GRIP1: variants seen among roughly 807,000 people sequenced by gnomAD.
GRIP1 encodes the protein glutamate receptor interacting protein 1.
A neutral mutation model predicts 129.9 loss-of-function variants in GRIP1; 45 were observed. The observed-to-expected ratio is 0.35, with a 90% CI of 0.27 to 0.44. GRIP1 has a LOEUF of 0.44. GRIP1 is among the 20% of genes least tolerant of loss of function. The pLI, the probability that GRIP1 is intolerant of heterozygous loss-of-function variation, is 1.00. For missense variants in GRIP1, 1,196 were observed against 1,396.8 expected, an observed-to-expected ratio of 0.86 and a Z score of 2.29; for synonymous variants, 530 against 520.8, an observed-to-expected ratio of 1.02 and a Z score of -0.24.
At chr12:66,728,302 T>C (rs1171733202) in intron 1 of GRIP1, among the ~76,000 whole-genome samples, 1 of 152,104 alleles carries the variant, frequency 6.6e-6, no homozygotes, top group Non-Finnish European at 1.5e-5. Flanking sequence ...AAAATATGAG[T>C]CCAGATCTCA....
At chr12:66,721,465 G>A (rs991301932) in intron 1 of GRIP1, among the ~76,000 whole-genome samples, 2 of 151,962 alleles carry the variant, frequency 1.3e-5, no homozygotes, top group African/African-American at 2.4e-5. Context: ...AGTAGAGAAA[G>A]CGTTTTATCA....
chr12:66,404,252 G>C (rs1167567757), intron 16 of GRIP1, among the ~76,000 whole-genome samples: 1 of 152,136 alleles, frequency 6.6e-6, no homozygotes, highest in African/African-American at 2.4e-5. Flanking sequence ...ACTGATGGAT[G>C]CAACTATAGA....
At chr12:66,859,502 G>GA (rs1168999405) in intron 1 of GRIP1, among the ~76,000 whole-genome samples, 2 of 151,482 alleles carry the variant, frequency 1.3e-5, no homozygotes, top group South Asian at 2.1e-4. Context: ...AATACAAGTA[G>GA]AAAAAAAAGT....
At chr12:66,866,501 C>A (rs1354790108) in intron 1 of GRIP1, among the ~76,000 whole-genome samples, 1 of 152,016 alleles carries the variant, frequency 6.6e-6, no homozygotes, top group East Asian at 1.9e-4. Flanking sequence ...CTATAGTTAA[C>A]AATATATTCT....
At chr12:67,039,018 AACACACACACAC>A (rs10562551) in intron 1 of GRIP1, among the ~76,000 whole-genome samples, 54 of 149,044 alleles carry the variant, frequency 3.6e-4, no homozygotes, top group African/African-American at 8.4e-4. Flanking sequence ...ACAAATAATA[AACACACACACAC>A]ACACACACAC....
intron 1 of GRIP1, among the ~76,000 whole-genome samples, chr12:67,020,402 C>T (rs559431947): frequency 6.6e-6 from 1 of 152,290 alleles, no homozygotes; most frequent in South Asian, 2.1e-4. Flanking sequence ...AAAACAGACA[C>T]TTAAGCACTC....
chr12:66,467,913 G>A (rs770653221), intron 7 of GRIP1, among the ~76,000 whole-genome samples: 10 of 152,050 alleles, frequency 6.6e-5, no homozygotes, highest in Non-Finnish European at 1.2e-4. Context: ...TTTTCCTCAT[G>A]GTTTTGTCAT....
chr12:66,729,080 T>A (rs188308295), intron 1 of GRIP1, among the ~76,000 whole-genome samples: 2 of 151,844 alleles, frequency 1.3e-5, no homozygotes, highest in African/African-American at 4.8e-5. Context: ...AAGAGATGGG[T>A]TCTCACTATG....
rs57728495 is a variant in GRIP1, at chr12:66,700,431, C to CT, written c.-419-70096dup. ...TGATGGGAACCAGTGCCAGTGGCAG[C>CT]TTTTTTTTTTTTTTTTAAATTAAGA... On this transcript the variant is annotated intron_variant, in intron 1 of 4. Transcript: ENST00000538373. Among the ~76,000 whole-genome samples the CT allele has an allele frequency of 8.6e-3, 1,187 of 138,076 alleles. 17 individuals are homozygous for CT. The highest frequency in any genetic ancestry group is 0.031 in the East Asian group (144 of 4,714). 90.6% of individuals were successfully genotyped at this position (138,076 alleles called of 152,430 possible). A position where few individuals can be genotyped will look rare whatever the true frequency, so the allele number is the denominator to read the frequency against.
chr12:66,445,394 C>T lies in GRIP1; in HGVS notation c.1469G>A (p.Ser490Asn). 2.5e-6 allele frequency: 4 copies of T among 1,614,188 alleles called. No individual in the cohort carries two copies. The South Asian group carries it at 3.3e-5, about 13-fold the overall frequency. The part of the protein sequence containing the change: ...VTGFGIQLQG[S>N]VFATETLSSP... ...AGAGAGAGTTTCTGTGGCAAACACA[C>T]TGCCCTGCAGTTGGATCCCAAATCC... The change falls in exon 12 of 25, where the codon AGT (serine) becomes AAT (asparagine). Residue 490 changes from serine to asparagine, a missense_variant. Around this residue, in one of 5 missense-constraint regions of GRIP1, gnomAD observed 508 missense variants for 587.0 expected, o/e 0.87. Transcript: ENST00000359742.
At chr12:67,016,656 C>A (rs1038333635) in intron 1 of GRIP1, among the ~76,000 whole-genome samples, 1 of 152,062 alleles carries the variant, frequency 6.6e-6, no homozygotes, top group Admixed American at 6.6e-5. Context: ...GTCTGAACTT[C>A]CACTAAAAAA....
chr12:66,548,169 A>G (rs1245276648), intron 2 of GRIP1, among the ~76,000 whole-genome samples: 1 of 152,158 alleles, frequency 6.6e-6, no homozygotes, highest in East Asian at 1.9e-4. Context: ...GTTTATATAT[A>G]TCTTTTTTCA....
At chr12:66,694,739 T>C (rs1205883525) in intron 1 of GRIP1, among the ~76,000 whole-genome samples, 2 of 152,204 alleles carry the variant, frequency 1.3e-5, no homozygotes, top group Admixed American at 1.3e-4. Context: ...CCTAGTACAC[T>C]GACATCCTGG....
chr12:66,639,989 C>T (rs1023154287), intron 1 of GRIP1, among the ~76,000 whole-genome samples: 1 of 152,120 alleles, frequency 6.6e-6, no homozygotes, highest in African/African-American at 2.4e-5. Context: ...TCCACATACC[C>T]ACACCTCTCT....
intron 1 of GRIP1, among the ~76,000 whole-genome samples, chr12:67,032,150 T>C (rs1037600015): frequency 2.6e-5 from 4 of 152,220 alleles, no homozygotes; most frequent in African/African-American, 7.2e-5. Context: ...ATAGTATATT[T>C]CTCATGCCAT....
chr12:66,970,971 G>A (rs2042067565), intron 1 of GRIP1, among the ~76,000 whole-genome samples: 1 of 152,140 alleles, frequency 6.6e-6, no homozygotes, highest in Admixed American at 6.5e-5. Context: ...GCCAGAGCCA[G>A]GACAGGGTCT....
In GRIP1 at chr12:66,352,641, G is replaced by A. The variant is rs2054286355; in HGVS notation, c.3159+776C>T. Among the ~76,000 whole-genome samples, 3 of 148,746 alleles carry A rather than the reference G, an allele frequency of 2.0e-5. No homozygotes were observed. The Admixed American group carries it at 2.0e-4, about 10-fold the overall frequency. On this transcript the variant is annotated intron_variant, in intron 24 of 24. Coordinates refer to ENST00000359742, the MANE Select transcript of GRIP1 (RefSeq NM_001366722.1). ...CCAGCTACTCGGGAGGCTGAGGCAG[G>A]AGAATCACTTGAATGCAGGAGGCAG...
chr12:66,932,879 G>T (rs1038776263), intron 1 of GRIP1, among the ~76,000 whole-genome samples: 7 of 152,072 alleles, frequency 4.6e-5, no homozygotes, highest in Non-Finnish European at 7.4e-5. Flanking sequence ...ATCTTGGCCA[G>T]GCTAGTCTTG....
chr12:66,903,873 G>A (rs115233174), intron 1 of GRIP1, among the ~76,000 whole-genome samples: 2,368 of 152,250 alleles, frequency 0.016, 25 homozygotes, highest in Middle Eastern at 0.058. Context: ...GCCTTCTGAT[G>A]GAGGATGAGG....
Sources: gnomAD v4.1 joint callset for allele counts (sites outside exome capture counted in the v4.1 genomes callset) on GRCh38, gnomAD v4.1.1 for gene constraint, gnomAD v4.1.1 regional missense constraint, MANE v1.5 for transcripts, NCBI Gene and HGNC (gene_info 2026-07-23, HGNC 2026-07-21) for gene names.